RBFOX1: variants seen among roughly 807,000 people sequenced by gnomAD.
RBFOX1 encodes RNA binding fox-1 homolog 1, also known as RNA binding protein fox-1 homolog 1.
In RBFOX1, 8 loss-of-function variants were observed where a neutral mutation model predicts 57.7. The ratio of observed to expected loss-of-function variants is 0.14; its 90% confidence interval spans 0.08 to 0.25. RBFOX1 has a LOEUF of 0.25. RBFOX1 is among the 10% of genes least tolerant of loss of function. RBFOX1 has a pLI of 1.00. For missense variants in RBFOX1, 611 were observed against 548.5 expected (o/e 1.11, Z -1.14); for synonymous variants, 326 against 222.4 (o/e 1.47, Z -4.15).
intron 4 of RBFOX1, among the ~76,000 whole-genome samples, chr16:7,080,640 CT>C (rs1399081291): frequency 6.6e-6 from 1 of 152,150 alleles, no homozygotes; most frequent in African/African-American, 2.4e-5. Flanking sequence ...ACACTCACAA[CT>C]TTATTTTTCT....
At position 7,579,805 on chromosome 16, in the gene RBFOX1, G is replaced by C. The variant is rs1567933572; in HGVS notation, c.299G>C (p.Gly100Ala). 6.2e-7 allele frequency: 1 copy of C among 1,614,030 alleles called. No homozygotes were observed. The highest frequency in any genetic ancestry group is 8.5e-7 in the Non-Finnish European group (1 of 1,179,966). The change falls in exon 6 of 16, where the codon GGC becomes GCC. Residue 100 changes from glycine to alanine, a missense_variant. Gly to Ala is a moderately conservative substitution (Grantham distance 60, BLOSUM62 0). Transcript: ENST00000550418. ...ACAGATGACGCAGCACCGACGGATG[G>C]CCAGCCCCAGACACAACCTTCTGAA... ...TQTDDAAPTD[G>A]QPQTQPSENT...
chr16:6,420,834 G>A (rs1205777218), intron 2 of RBFOX1, among the ~76,000 whole-genome samples: 1 of 152,178 alleles, frequency 6.6e-6, no homozygotes, highest in Non-Finnish European at 1.5e-5. Flanking sequence ...GGCACTCTCT[G>A]AGTGCTTTAT....
At chr16:7,695,735 T>TA (rs1322854750) in intron 14 of RBFOX1, among the ~76,000 whole-genome samples, 1 of 151,558 alleles carries the variant, frequency 6.6e-6, no homozygotes, top group Non-Finnish European at 1.5e-5. Context: ...CACCTCCTTA[T>TA]AAAAACATTT....
At chr16:7,138,315 C>T (rs559560043) in intron 4 of RBFOX1, among the ~76,000 whole-genome samples, 1 of 152,266 alleles carries the variant, frequency 6.6e-6, no homozygotes, top group South Asian at 2.1e-4. Flanking sequence ...CAACATGACT[C>T]ATTAAATAAG....
At chr16:6,037,055 G>C (rs2095374522) in intron 1 of RBFOX1, among the ~76,000 whole-genome samples, 1 of 152,156 alleles carries the variant, frequency 6.6e-6, no homozygotes, top group Admixed American at 6.6e-5. Flanking sequence ...TGAAGGATTG[G>C]GGTGCAACTG....
chr16:7,410,495 A>G (rs2098413054), intron 4 of RBFOX1, among the ~76,000 whole-genome samples: 1 of 152,206 alleles, frequency 6.6e-6, no homozygotes, highest in African/African-American at 2.4e-5. Flanking sequence ...CAGCCTGACC[A>G]ACATGGAGAA....
intron 1 of RBFOX1, among the ~76,000 whole-genome samples, chr16:6,071,522 TAAAA>T (rs5815279): frequency 6.6e-6 from 1 of 151,986 alleles, no homozygotes; most frequent in Non-Finnish European, 1.5e-5. Context: ...GTCCTGAACT[TAAAA>T]AAACTGTTTT....
At chr16:5,351,089 G>A (rs1329112938) in intron 1 of RBFOX1, among the ~76,000 whole-genome samples, 5 of 152,138 alleles carry the variant, frequency 3.3e-5, no homozygotes, top group African/African-American at 1.2e-4. Context: ...GTTGACCCCG[G>A]ATAGGTCTAA....
intron 9 of RBFOX1, among the ~76,000 whole-genome samples, chr16:7,599,730 C>CT (rs1213665090): frequency 6.7e-6 from 1 of 148,388 alleles, no homozygotes; most frequent in Non-Finnish European, 1.5e-5. Context: ...ATTGCACCCT[C>CT]TGCCTCCCAG....
chr16:5,589,860 G>C (rs1236055812), intron 2 of RBFOX1, among the ~76,000 whole-genome samples: 1 of 152,082 alleles, frequency 6.6e-6, no homozygotes, highest in Non-Finnish European at 1.5e-5. Flanking sequence ...CCACTGCCTT[G>C]GCCTGCAGAG....
intron 1 of RBFOX1, among the ~76,000 whole-genome samples, chr16:6,268,482 C>A (rs1415152952): frequency 6.6e-6 from 1 of 152,162 alleles, no homozygotes; most frequent in African/African-American, 2.4e-5. Context: ...GGTACGCAAT[C>A]CAGCATAGAC....
intron 1 of RBFOX1, among the ~76,000 whole-genome samples, chr16:6,154,571 T>A (rs1185200563): frequency 2.0e-5 from 3 of 152,214 alleles, no homozygotes; most frequent in African/African-American, 7.2e-5. Flanking sequence ...CAAGATGGTC[T>A]AAATCTTCTC....
intron 4 of RBFOX1, among the ~76,000 whole-genome samples, chr16:7,347,498 C>G (rs543855740): frequency 6.6e-6 from 1 of 152,088 alleles, no homozygotes; most frequent in Non-Finnish European, 1.5e-5. Flanking sequence ...TGTCATGACA[C>G]GTGGGAATCG....
chr16:6,810,795 G>A (rs191992509), intron 3 of RBFOX1, among the ~76,000 whole-genome samples: 167 of 152,146 alleles, frequency 1.1e-3, no homozygotes, highest in Non-Finnish European at 1.9e-3. Flanking sequence ...ATCAGATCTC[G>A]CCAGAAGTCA....
At chr16:7,274,310 G>A (rs529968816) in intron 4 of RBFOX1, among the ~76,000 whole-genome samples, 4 of 152,256 alleles carry the variant, frequency 2.6e-5, no homozygotes, top group East Asian at 3.9e-4. Flanking sequence ...GGTACGCTTT[G>A]TTATCCCCAT....
At chr16:5,703,866 A>C (rs1292195889) in intron 3 of RBFOX1, among the ~76,000 whole-genome samples, 1 of 152,206 alleles carries the variant, frequency 6.6e-6, no homozygotes, top group Non-Finnish European at 1.5e-5. Flanking sequence ...GATGATATGC[A>C]GTGTATGCAT....
intron 5 of RBFOX1, among the ~76,000 whole-genome samples, chr16:7,568,171 G>A (rs2092331606): frequency 6.6e-6 from 1 of 152,106 alleles, no homozygotes; most frequent in African/African-American, 2.4e-5. Flanking sequence ...AAGTTTATTA[G>A]AGAAGTAAAG....
At chr16:6,907,504 C>G (rs758707194) in intron 3 of RBFOX1, among the ~76,000 whole-genome samples, 1 of 152,102 alleles carries the variant, frequency 6.6e-6, no homozygotes, top group African/African-American at 2.4e-5. Context: ...AGGGGTGGTT[C>G]CTTCTGAAAA....
rs902912455 is a variant in RBFOX1, at chr16:6,972,031, A to G, written c.-15-80026A>G. 1.4e-4 allele frequency among the ~76,000 whole-genome samples: 21 copies of G among 152,172 alleles called. 1 individual carries two copies. Among genetic ancestry groups the G allele is most frequent in the Non-Finnish European group, 8.8e-5 (6 of 68,032 alleles). On this transcript the variant is annotated intron_variant, in intron 3 of 15. Transcript: ENST00000550418. ...GAAGTGATATAGAAAGAAGAGGGGAACAGAGAGGGTCAAAGACTTTTGTTT... is the reference window on the plus strand; with the variant it reads ...GAAGTGATATAGAAAGAAGAGGGGAGCAGAGAGGGTCAAAGACTTTTGTTT...
Sources: gnomAD v4.1 joint callset for allele counts (sites outside exome capture counted in the v4.1 genomes callset) on GRCh38, gnomAD v4.1.1 for gene constraint, MANE v1.5 for transcripts, NCBI Gene and HGNC (gene_info 2026-07-23, HGNC 2026-07-21) for gene names.